SERGEF: variants seen among roughly 807,000 people sequenced by gnomAD.
SERGEF encodes secretion regulating guanine nucleotide exchange factor.
SERGEF carries 51 observed loss-of-function variants against 50.0 expected under a neutral mutation model. The ratio of observed to expected loss-of-function variants is 1.02; its 90% CI spans 0.81 to 1.29. The LOEUF is 1.29. Among genes scored for constraint, SERGEF ranks in the 50% most tolerant of loss-of-function variants. SERGEF has a pLI of 0.00. For synonymous variants in SERGEF, 205 were observed against 212.4 expected (o/e 0.97, Z 0.30); for missense variants, 521 against 557.0 (o/e 0.94, Z 0.65).
intron 10 of SERGEF, among the ~76,000 whole-genome samples, chr11:17,823,845 T>C (rs1298531493): frequency 6.6e-6 from 1 of 152,196 alleles, no homozygotes; most frequent in African/African-American, 2.4e-5. Flanking sequence ...TCCATTCTCC[T>C]CTTCTTTCCT....
chr11:17,938,277 T>C (rs577346753), intron 9 of SERGEF, among the ~76,000 whole-genome samples: 7 of 152,162 alleles, frequency 4.6e-5, no homozygotes, highest in African/African-American at 1.7e-4. Flanking sequence ...TGACCCACCA[T>C]TGGGTTTGGC....
At chr11:17,918,948 A>C (rs1374200332) in intron 9 of SERGEF, among the ~76,000 whole-genome samples, 1 of 152,210 alleles carries the variant, frequency 6.6e-6, no homozygotes, top group Non-Finnish European at 1.5e-5. Flanking sequence ...TGAAACTAGA[A>C]ATGCAGGACT....
intron 9 of SERGEF, among the ~76,000 whole-genome samples, chr11:17,941,603 T>C (rs1852563894): frequency 6.6e-6 from 1 of 152,234 alleles, no homozygotes; most frequent in African/African-American, 2.4e-5. Context: ...TGGGTATGCA[T>C]ATATATCTTC....
chr11:17,836,606 T>C (rs1191055445), intron 10 of SERGEF, among the ~76,000 whole-genome samples: 1 of 152,226 alleles, frequency 6.6e-6, no homozygotes, highest in Non-Finnish European at 1.5e-5. Flanking sequence ...CAACCAATAA[T>C]GTAACACATC....
Position 17,847,364 on chromosome 11 carries a change from AG to A in SERGEF, c.1048+30843del, listed in dbSNP as rs545829995. 1.8e-4 allele frequency among the ~76,000 whole-genome samples: 28 copies of A among 152,276 alleles called. No homozygotes were observed. In the South Asian group the frequency reaches 5.4e-3, roughly 29 times the overall value. On this transcript the variant is annotated intron_variant, in intron 10 of 10. Coordinates refer to ENST00000265965, the MANE Select transcript of SERGEF (RefSeq NM_012139.4). ...TCCTTTATTTGGGGGGAAGGGGGAC[AG>A]GGAGGGGCAGTGAGGGAAATTCTAG...
intron 8 of SERGEF, among the ~76,000 whole-genome samples, chr11:17,983,734 C>T (rs1368661320): frequency 9.8e-6 from 1 of 102,402 alleles, no homozygotes; most frequent in Admixed American, 1.3e-4. Flanking sequence ...GTTTACGGTG[C>T]TATGAGAACA....
chr11:17,959,574 T>A lies in SERGEF; in HGVS notation c.907A>T (p.Thr303Ser). The change falls in exon 9 of 11, where the codon ACT (threonine) becomes TCT (serine). Residue 303 changes from threonine to serine, a missense_variant. Physicochemically the swap from Thr to Ser is moderately conservative, Grantham distance 58. Transcript: ENST00000265965. ...TTTTCTAGTTTCCAGCCTTCATAAG[T>A]CTCCAACTTCCTCCCTAGCTGACCA... ...DYGQLGRKLE[T>S]YEGWKLEKQD... 6.2e-7 allele frequency: 1 copy of A among 1,614,122 alleles called. No homozygotes were observed. The highest frequency in any genetic ancestry group is 1.6e-4 in the Middle Eastern group (1 of 6,062).
intron 10 of SERGEF, among the ~76,000 whole-genome samples, chr11:17,864,127 T>C (rs1590164059): frequency 2.0e-5 from 3 of 152,258 alleles, no homozygotes; most frequent in African/African-American, 7.2e-5. Context: ...TGAGTTCACA[T>C]TAGATTTACT....
chr11:17,913,401 T>C (rs1464347013), intron 9 of SERGEF, among the ~76,000 whole-genome samples: 2 of 152,192 alleles, frequency 1.3e-5, no homozygotes, highest in African/African-American at 4.8e-5. Context: ...AGCTCAAAGC[T>C]GTCTTTTTGG....
At chr11:17,903,816 A>T (rs921014118) in intron 9 of SERGEF, among the ~76,000 whole-genome samples, 1 of 152,268 alleles carries the variant, frequency 6.6e-6, no homozygotes, top group Non-Finnish European at 1.5e-5. Context: ...TCTAACCATG[A>T]TCAGAACTGA....
At chr11:17,950,940 G>A (rs1415677513) in intron 9 of SERGEF, among the ~76,000 whole-genome samples, 2 of 152,130 alleles carry the variant, frequency 1.3e-5, no homozygotes, top group African/African-American at 4.8e-5. Flanking sequence ...CAGTGCTGAT[G>A]AATTTCCTCT....
chr11:17,879,340 T>C (rs1398545656), intron 9 of SERGEF, among the ~76,000 whole-genome samples: 6 of 152,190 alleles, frequency 3.9e-5, no homozygotes, highest in African/African-American at 1.4e-4. Context: ...AATTATCCTG[T>C]GACCTTTATC....
At chr11:17,961,689 T>G (rs1157887373) in intron 8 of SERGEF, among the ~76,000 whole-genome samples, 1 of 152,146 alleles carries the variant, frequency 6.6e-6, no homozygotes, top group Non-Finnish European at 1.5e-5. Flanking sequence ...TTACAAAGAT[T>G]AACTAATTAA....
intron 10 of SERGEF, among the ~76,000 whole-genome samples, chr11:17,852,971 T>G (rs1237539607): frequency 6.6e-6 from 1 of 152,170 alleles, no homozygotes; most frequent in Non-Finnish European, 1.5e-5. Context: ...CCCCTCTGCA[T>G]GACAGGACCA....
intron 9 of SERGEF, among the ~76,000 whole-genome samples, chr11:17,907,964 T>C (rs1346694922): frequency 1.3e-5 from 2 of 152,108 alleles, no homozygotes; most frequent in African/African-American, 2.4e-5. Context: ...TCCTAGAAAT[T>C]CCACCTCCCT....
chr11:17,926,949 C>T (rs1485436576), intron 9 of SERGEF: 4 of 417,950 alleles, frequency 9.6e-6, no homozygotes, highest in African/African-American at 8.2e-5. Flanking sequence ...CCCCAACTCA[C>T]AGGACCTCTT....
intron 9 of SERGEF, among the ~76,000 whole-genome samples, chr11:17,917,753 G>A (rs753238500): frequency 2.6e-5 from 4 of 152,154 alleles, no homozygotes; most frequent in African/African-American, 9.7e-5. Flanking sequence ...TATGGTCTCC[G>A]TATCAGCAGC....
intron 5 of SERGEF, among the ~76,000 whole-genome samples, chr11:17,996,436 G>A (rs1411611033): frequency 6.6e-6 from 1 of 152,162 alleles, no homozygotes; most frequent in African/African-American, 2.4e-5. Context: ...TGAATTCAAA[G>A]ATTCCTAATT....
At chr11:17,813,757 G>C (rs1443527680) in intron 10 of SERGEF, among the ~76,000 whole-genome samples, 1 of 152,212 alleles carries the variant, frequency 6.6e-6, no homozygotes, top group Non-Finnish European at 1.5e-5. Context: ...AATAAGGAAT[G>C]CAACACCGCA....
Sources: allele counts gnomAD v4.1 joint callset (sites outside exome capture counted in the v4.1 genomes callset), GRCh38; gene constraint gnomAD v4.1.1; transcripts MANE v1.5; gene names NCBI Gene and HGNC (gene_info 2026-07-23, HGNC 2026-07-21).